Variants in PRC1 observed in about 807,000 individuals in gnomAD.
The protein encoded by PRC1 is protein regulator of cytokinesis 1.
PRC1 carries 54 observed loss-of-function variants against 91.2 expected under a neutral mutation model. The observed-to-expected ratio is 0.59, with a 90% CI of 0.48 to 0.74. PRC1 has a LOEUF of 0.74. PRC1 is among the 30% of genes least tolerant of loss of function. PRC1 has a pLI of 0.00. For missense variants in PRC1, 727 were observed against 746.2 expected, an observed-to-expected ratio of 0.97 and a Z score of 0.30; for synonymous variants, 275 against 263.6, an observed-to-expected ratio of 1.04 and a Z score of -0.42.
At chr15:90,976,960 A>C (rs1311732120) in intron 8 of PRC1, among the ~76,000 whole-genome samples, 189 bp from the exon 9 acceptor site, 3 of 152,038 alleles carry the variant, frequency 2.0e-5, no homozygotes, top group Non-Finnish European at 2.9e-5. Flanking sequence ...GCGAAACCCC[A>C]TCTCTACTAA....
Position 90,984,714 on chromosome 15 carries a change from C to A in PRC1, c.123G>T (p.Glu41Asp). The A allele has an allele frequency of 6.2e-7, 1 of 1,614,216 alleles. No individual in the cohort carries two copies. Among genetic ancestry groups the A allele is most frequent in the Non-Finnish European group, 8.5e-7 (1 of 1,180,028 alleles). The change falls in exon 2 of 15, where the codon GAG becomes GAT. Residue 41 changes from glutamate to aspartate, a missense_variant. By Grantham distance (45) the Glu-to-Asp change is conservative. Transcript: ENST00000394249. This position sits in a 1 kb window ranked among gnomAD's most constrained non-coding sequence, Gnocchi z 5.1. ...IPEDQRLQRT[E>D]VVKKHIKELL... is the part of the protein sequence containing the mutation. Reference sequence around the variant, plus strand: ...CCACCTTGATATGCTTCTTTACCACCTCAGTTCTTTGTAACCGCTGGTCCT... The same window carrying A: ...CCACCTTGATATGCTTCTTTACCACATCAGTTCTTTGTAACCGCTGGTCCT...
intron 1 of PRC1, among the ~76,000 whole-genome samples, chr15:90,992,742 G>A (rs543970480): frequency 6.6e-6 from 1 of 151,966 alleles, no homozygotes; most frequent in East Asian, 1.9e-4. Context: ...AAAATCAAGA[G>A]TGCATACAAA....
At chr15:90,986,606 C>G (rs900144386) in intron 1 of PRC1, among the ~76,000 whole-genome samples, 1 of 152,148 alleles carries the variant, frequency 6.6e-6, no homozygotes, top group Non-Finnish European at 1.5e-5. Flanking sequence ...CCACTGTACT[C>G]CAGCTTGGGC....
rs776869868 is a variant in PRC1, at chr15:90,981,604, G to A, written c.567C>T (p.Asp189=). Residue 189 remains aspartate, a synonymous_variant, in exon 5 of 15, where the codon GAC becomes GAT. Transcript: ENST00000394249. ...TTTCAAAGCTTGTGTCTGGGGTGTGGTCTAATGCTTCCATACACAGTATGA... is the reference window on the plus strand; with the variant it reads ...TTTCAAAGCTTGTGTCTGGGGTGTGATCTAATGCTTCCATACACAGTATGA... ...RQIILCMEAL[D]HTPDTSFERD... 2 of 1,613,914 alleles carry A rather than the reference G, an allele frequency of 1.2e-6. No individual in the cohort carries two copies. The highest frequency in any genetic ancestry group is 1.7e-5 in the Admixed American group (1 of 60,012).
chr15:90,974,699 C>T lies in PRC1; in HGVS notation c.1236G>A (p.Leu412=). ...LEEELKARIE[L]WEQEHSKAFM... ...ATGCCTTTGAATGTTCCTGTTCCCACAATTCAATTCGTGCCTTCAACTCTT... is the reference window on the plus strand; with the variant it reads ...ATGCCTTTGAATGTTCCTGTTCCCATAATTCAATTCGTGCCTTCAACTCTT... The change falls in exon 10 of 15, where the codon TTG becomes TTA. Residue 412 remains leucine, a synonymous_variant. Transcript: ENST00000394249. This position sits in a 1 kb window ranked among gnomAD's most constrained non-coding sequence, Gnocchi z 4.6. The T allele has an allele frequency of 6.2e-7, 1 of 1,614,220 alleles. No individual in the cohort carries two copies. The highest frequency in any genetic ancestry group is 8.5e-7 in the Non-Finnish European group (1 of 1,180,038).
intron 1 of PRC1, among the ~76,000 whole-genome samples, chr15:90,992,576 A>C (rs917520730): frequency 1.1e-4 from 17 of 152,190 alleles, no homozygotes; most frequent in Admixed American, 1.3e-4. Context: ...TTGAATGAAT[A>C]ACGTGACATT....
In PRC1 at chr15:90,966,719, T is replaced by C; in HGVS notation, c.*412A>G. Reference sequence around the variant, plus strand: ...TGATAGCTACAGCATTAATTGAACATGCCTAAACAAAAAAGATGTTAATTA... The same window carrying C: ...TGATAGCTACAGCATTAATTGAACACGCCTAAACAAAAAAGATGTTAATTA... On this transcript the variant is annotated 3_prime_UTR_variant, in exon 15 of 15. Coordinates refer to ENST00000394249, the MANE Select transcript of PRC1 (RefSeq NM_003981.4). 2 of 444,786 alleles carry C rather than the reference T, an allele frequency of 4.5e-6. No individual in the cohort carries two copies. Among genetic ancestry groups the C allele is most frequent in the East Asian group, 7.0e-5 (1 of 14,192 alleles). 27.6% of individuals were successfully genotyped at this position (444,786 alleles called of 1,614,324 possible). A position where few individuals can be genotyped will look rare whatever the true frequency, so the allele number is the denominator to read the frequency against.
Position 90,967,061 on chromosome 15 carries a change from A to C in PRC1, c.*70T>G. The C allele has an allele frequency of 7.1e-7, 1 of 1,408,546 alleles. No individual in the cohort carries two copies. Among genetic ancestry groups the C allele is most frequent in the Middle Eastern group, 1.8e-4 (1 of 5,616 alleles). The allele number at this position is 1,408,546 out of a possible 1,614,324, so 87.3% of individuals were successfully genotyped here. On this transcript the variant is annotated 3_prime_UTR_variant, in exon 15 of 15. Transcript: ENST00000394249. ...GCACGCCTAAGCTGAAGAAAAACTA[A>C]AGTCACCCCCATATAATTAGGTCCA...
intron 14 of PRC1, 75 bp from the exon 15 acceptor site, chr15:90,967,277 G>T (rs2037585578): frequency 7.6e-7 from 1 of 1,310,542 alleles, no homozygotes; most frequent in Non-Finnish European, 1.1e-6. Flanking sequence ...GTTTGGTTAA[G>T]TGTCAGCAAA....
chr15:90,969,315 A>G lies in PRC1; in HGVS notation c.1749+132T>C, dbSNP rs372099341. 2.8e-5 allele frequency: 36 copies of G among 1,303,896 alleles called. No homozygotes were observed. In the African/African-American group the frequency reaches 4.3e-4, roughly 16 times the overall value. The allele number at this position is 1,303,896 out of a possible 1,614,324, so 80.8% of individuals were successfully genotyped here. Reference sequence around the variant, plus strand: ...AATCACACCCACCCTGCCATGGTCAAAGCAGGAAAGGGATTCTCAGCCTCC... The same window carrying G: ...AATCACACCCACCCTGCCATGGTCAGAGCAGGAAAGGGATTCTCAGCCTCC... On this transcript the variant is annotated intron_variant, in intron 13 of 14. Coordinates refer to ENST00000394249, the MANE Select transcript of PRC1 (RefSeq NM_003981.4).
At chr15:90,977,965 C>T (rs2038876009) in intron 8 of PRC1, among the ~76,000 whole-genome samples, 1 of 152,156 alleles carries the variant, frequency 6.6e-6, no homozygotes, top group Non-Finnish European at 1.5e-5. Context: ...TGTTCTTAAG[C>T]AGCTGTAAGA....
At chr15:90,967,396 A>G (rs2037599230) in intron 14 of PRC1, 194 bp from the exon 15 acceptor site, 2 of 591,306 alleles carry the variant, frequency 3.4e-6, no homozygotes, top group African/African-American at 3.7e-5. Flanking sequence ...GACAGAGTGC[A>G]TGTGCACGCA....
chr15:90,970,507 G>C lies in PRC1; in HGVS notation c.1469C>G (p.Thr490Ser), dbSNP rs772329055. ...NTPGKARKLN[T>S]TTMSNATANS... The stretch of plus-strand genomic sequence containing the variant: ...GGCCGTAGCATTGGACATGGTGGTA[G>C]TGTTCAGCTAGGGAGAAGAGCACGT... Residue 490 changes from threonine to serine, a missense_variant, in exon 12 of 15, where the codon ACT becomes AGT. By Grantham distance (58) the Thr-to-Ser change is moderately conservative. Transcript: ENST00000394249. 9.9e-6 allele frequency: 16 copies of C among 1,610,448 alleles called. No individual in the cohort carries two copies. Among genetic ancestry groups the C allele is most frequent in the Admixed American group, 3.3e-5 (2 of 59,978 alleles).
intron 1 of PRC1, among the ~76,000 whole-genome samples, 168 bp downstream of exon 1, chr15:90,994,239 C>T (rs1392257896): frequency 6.6e-6 from 1 of 152,144 alleles, no homozygotes; most frequent in Non-Finnish European, 1.5e-5. Context: ...CGCACTGGCT[C>T]GCCGCCTCCA....
At position 90,974,618 on chromosome 15, in the gene PRC1, A is replaced by C. The variant is rs1193419544; in HGVS notation, c.1317T>G (p.His439Gln). 1 of 1,614,102 alleles carries C rather than the reference A, an allele frequency of 6.2e-7. No homozygotes were observed. The highest frequency in any genetic ancestry group is 1.1e-5 in the South Asian group (1 of 91,082). ...MEYVAEQWEM[H>Q]RLEKERAKQE... ...GCTTGGCTCTCTCTTTCTCCAATCG[A>C]TGCATCTCCCATTGTTCTGCCACAT... is the stretch of plus-strand genomic sequence containing the variant. Residue 439 changes from histidine to glutamine, a missense_variant, in exon 10 of 15, where the codon CAT becomes CAG. Transcript: ENST00000394249. This position sits in a 1 kb window ranked among gnomAD's most constrained non-coding sequence, Gnocchi z 4.6.
chr15:90,966,995 T>C lies in PRC1; in HGVS notation c.*136A>G, dbSNP rs2037551214. On this transcript the variant is annotated 3_prime_UTR_variant, in exon 15 of 15. Transcript: ENST00000394249. ...CAACTGTAACACTCATTCACATCTT[T>C]AAGTTAGGCCCATGGTCATGGAACC... The C allele has an allele frequency of 4.1e-6, 3 of 730,668 alleles. No individual in the cohort carries two copies. The highest frequency in any genetic ancestry group is 1.7e-5 in the South Asian group (1 of 58,366). 45.3% of individuals were successfully genotyped at this position (730,668 alleles called of 1,614,324 possible).
chr15:90,981,139 A>G (rs1358924729), intron 5 of PRC1, 106 bp from the exon 6 acceptor site: 3 of 1,446,750 alleles, frequency 2.1e-6, no homozygotes, highest in African/African-American at 1.4e-5. Flanking sequence ...AGGCACTTTC[A>G]TGAGAGTTCA....
chr15:90,979,094 C>G lies in PRC1; in HGVS notation c.1107+64G>C. 3.3e-6 allele frequency: 5 copies of G among 1,535,372 alleles called. No individual in the cohort carries two copies. In the South Asian group the frequency reaches 6.2e-5, roughly 19 times the overall value. ...AAAGCCTGGCAAAGAACAAAGCTAACTGGATTGATTCCGTACATGGCATGC... is the reference window on the plus strand; with the variant it reads ...AAAGCCTGGCAAAGAACAAAGCTAAGTGGATTGATTCCGTACATGGCATGC... On this transcript the variant is annotated intron_variant, in intron 8 of 14. Coordinates refer to ENST00000394249, the MANE Select transcript of PRC1 (RefSeq NM_003981.4).
In PRC1 at chr15:90,994,333, C is replaced by A. The variant is rs574517757; in HGVS notation, c.11+74G>T. 8 of 1,610,216 alleles carry A rather than the reference C, an allele frequency of 5.0e-6. No homozygotes were observed. In the African/African-American group the frequency reaches 5.3e-5, roughly 11 times the overall value. Reference sequence around the variant, plus strand: ...CCCGGGACCCCGCACGGGTCCCGCACCCCTGAACAGGCCCCGCAGCCGAAA... The same window carrying A: ...CCCGGGACCCCGCACGGGTCCCGCAACCCTGAACAGGCCCCGCAGCCGAAA... On this transcript the variant is annotated intron_variant, in intron 1 of 14. Coordinates refer to ENST00000394249, the MANE Select transcript of PRC1 (RefSeq NM_003981.4).
Sources: gnomAD v4.1 joint callset for allele counts (sites outside exome capture counted in the v4.1 genomes callset) on GRCh38, gnomAD v4.1.1 for gene constraint, Gnocchi (gnomAD v3.1) non-coding constraint, MANE v1.5 for transcripts, NCBI Gene and HGNC (gene_info 2026-07-23, HGNC 2026-07-21) for gene names.